The following CHD6 variants were observed in gnomAD, a reference collection of about 807,000 sequenced individuals.
The protein encoded by CHD6 is ATP-dependent chromatin remodeler CHD6.
A neutral mutation model predicts 276.9 loss-of-function variants in CHD6; 50 were observed. The observed-to-expected ratio is 0.18, with a 90% CI of 0.14 to 0.23. The LOEUF (loss-of-function observed/expected upper bound fraction) is 0.23. CHD6 is among the 10% of genes least tolerant of loss of function. The pLI is 1.00. For synonymous variants in CHD6, 1,173 were observed against 1,229.3 expected (o/e 0.95, Z 0.96); for missense variants, 2,564 against 3,365.8 (o/e 0.76, Z 5.89).
In CHD6 at chr20:41,450,376, C is replaced by T. The variant is rs141420178; in HGVS notation, c.3683+570G>A. Among the ~76,000 whole-genome samples, 29 of 152,164 alleles carry T rather than the reference C, an allele frequency of 1.9e-4. No homozygotes were observed. The East Asian group carries it at 5.0e-3, about 26-fold the overall frequency. On this transcript the variant is annotated intron_variant, in intron 23 of 36. Transcript: ENST00000373233. ...GCACAGTGGTGCAAATATCCACATGCAAACTTGCCATTGTTTTGTCGCTGA... is the reference window on the plus strand; with the variant it reads ...GCACAGTGGTGCAAATATCCACATGTAAACTTGCCATTGTTTTGTCGCTGA...
At chr20:41,469,488 A>C (rs918527032) in intron 17 of CHD6, among the ~76,000 whole-genome samples, 11 of 152,222 alleles carry the variant, frequency 7.2e-5, no homozygotes, top group African/African-American at 2.7e-4. Context: ...TAGCAGCAAC[A>C]GTGGCCTACT....
chr20:41,457,365 G>T lies in CHD6; in HGVS notation c.2728C>A (p.Arg910=). 1 of 1,614,110 alleles carries T rather than the reference G, an allele frequency of 6.2e-7. No homozygotes were observed. The highest frequency in any genetic ancestry group is 8.5e-7 in the Non-Finnish European group (1 of 1,179,994). ...KAVKVYRLIT[R]NSYEREMFDK... Reference sequence around the variant, plus strand: ...AACATCTCGCGCTCGTAGGAATTTCGAGTGATGAGGCGATACACCTTCACA... The same window carrying T: ...AACATCTCGCGCTCGTAGGAATTTCTAGTGATGAGGCGATACACCTTCACA... The change falls in exon 18 of 37, where the codon CGA becomes AGA. Residue 910 remains arginine (R), a synonymous_variant. Coordinates refer to ENST00000373233, the MANE Select transcript of CHD6 (RefSeq NM_032221.5).
At chr20:41,458,132 CAT>C (rs764948815) in intron 17 of CHD6, among the ~76,000 whole-genome samples, 13 of 152,258 alleles carry the variant, frequency 8.5e-5, no homozygotes, top group East Asian at 7.7e-4. Context: ...AAGATTTGAG[CAT>C]CTGAATGTAC....
intron 3 of CHD6, among the ~76,000 whole-genome samples, chr20:41,526,066 T>C (rs959361298): frequency 6.6e-6 from 1 of 152,042 alleles, no homozygotes; most frequent in African/African-American, 2.4e-5. Flanking sequence ...TATCAAGCAT[T>C]ATTATTTAGT....
rs769235551 is a variant in CHD6 at position 41,404,841 on chromosome 20, T to G, written c.7900A>C (p.Met2634Leu). 1 of 1,614,114 alleles carries G rather than the reference T, an allele frequency of 6.2e-7. No individual in the cohort carries two copies. Among genetic ancestry groups the G allele is most frequent in the Non-Finnish European group, 8.5e-7 (1 of 1,180,032 alleles). The change falls in exon 37 of 37, where the codon ATG becomes CTG. Residue 2634 changes from methionine (M) to leucine (L), a missense_variant. Transcript: ENST00000373233. ...PSMFLSPGMG[M>L]ALPAMQQARH... ...GCCTGCTGCATGGCTGGCAGAGCCA[T>G]GCCCATACCAGGGGAGAGGAACATG... is the stretch of plus-strand genomic sequence containing the variant.
chr20:41,569,857 C>A (rs1230533682), intron 1 of CHD6, among the ~76,000 whole-genome samples: 2 of 152,012 alleles, frequency 1.3e-5, no homozygotes, highest in African/African-American at 4.8e-5. Context: ...AATTACTATG[C>A]CATTTTAAAT....
chr20:41,532,269 T>C (rs151069130), intron 3 of CHD6, among the ~76,000 whole-genome samples: 1 of 152,300 alleles, frequency 6.6e-6, no homozygotes, highest in African/African-American at 2.4e-5. Flanking sequence ...CACTTGTCAA[T>C]GTGTCAAGCA....
At chr20:41,468,634 A>G (rs1481492900) in intron 17 of CHD6, among the ~76,000 whole-genome samples, 1 of 152,218 alleles carries the variant, frequency 6.6e-6, no homozygotes, top group Non-Finnish European at 1.5e-5. Flanking sequence ...GTATTTGTGT[A>G]TACATTTACA....
chr20:41,437,355 G>A (rs2047743326), intron 26 of CHD6, 21 bp from the exon 27 acceptor site: 11 of 1,590,272 alleles, frequency 6.9e-6, no homozygotes, highest in Non-Finnish European at 9.5e-6. Flanking sequence ...GTAAAAAAAG[G>A]CATCACATAC....
At chr20:41,515,047 T>C in intron 3 of CHD6, 95 bp from the exon 4 acceptor site, 1 of 1,333,146 alleles carries the variant, frequency 7.5e-7, no homozygotes, top group Non-Finnish European at 1.1e-6. Context: ...CCTGGAATTC[T>C]AGGACCAGGG....
Position 41,484,342 on chromosome 20 carries a change from C to T in CHD6, c.2257+10G>A. 6.2e-7 allele frequency: 1 copy of T among 1,613,512 alleles called. No homozygotes were observed. Among genetic ancestry groups the T allele is most frequent in the Non-Finnish European group, 8.5e-7 (1 of 1,179,662 alleles). ...CAGTCCTGAGTTACTTCCTAGTGCC[C>T]CTGACTCACCATTGATCAGGTAGGG... is the stretch of plus-strand genomic sequence containing the variant. On this transcript the variant is annotated intron_variant, in intron 15 of 36. Coordinates refer to ENST00000373233, the MANE Select transcript of CHD6 (RefSeq NM_032221.5).
At chr20:41,439,749 T>C (rs1327942982) in intron 26 of CHD6, among the ~76,000 whole-genome samples, 2 of 152,102 alleles carry the variant, frequency 1.3e-5, no homozygotes, top group Non-Finnish European at 2.9e-5. Context: ...TTTAGAAAGG[T>C]GGGCAGCCTG....
chr20:41,493,723 C>A (rs766828834), intron 9 of CHD6, 51 bp from the exon 10 acceptor site: 2 of 1,604,024 alleles, frequency 1.2e-6, no homozygotes, highest in South Asian at 1.1e-5. Context: ...TTAAAGGAGT[C>A]AGTAGTATCT....
intron 3 of CHD6, among the ~76,000 whole-genome samples, chr20:41,522,651 C>T (rs549530758): frequency 4.6e-4 from 70 of 151,808 alleles, no homozygotes; most frequent in East Asian, 1.2e-3. Flanking sequence ...TGCGCGCACG[C>T]GTGCGCGCAC....
At chr20:41,613,497 CCATGTGAT>C (rs1334829629) in intron 1 of CHD6, among the ~76,000 whole-genome samples, 1 of 152,174 alleles carries the variant, frequency 6.6e-6, no homozygotes, top group Non-Finnish European at 1.5e-5. Context: ...CGAATGGCTT[CCATGTGAT>C]CATGTGATCA....
chr20:41,423,430 A>C, intron 30 of CHD6, 62 bp downstream of exon 30: 1 of 1,502,628 alleles, frequency 6.7e-7, no homozygotes, highest in Non-Finnish European at 9.3e-7. Context: ...GTAATTCTGC[A>C]ATTTGAAAAT....
At position 41,585,950 on chromosome 20, in the gene CHD6, G is replaced by A. The variant is rs534922819; in HGVS notation, c.-24+32390C>T. ...GGGGACTGCACCCACCTTTAAACAC[G>A]GGGCTTATAACTCAGCTCACACCTG... is the stretch of plus-strand genomic sequence containing the variant. On this transcript the variant is annotated intron_variant, in intron 1 of 36. Coordinates refer to ENST00000373233, the MANE Select transcript of CHD6 (RefSeq NM_032221.5). 1.1e-4 allele frequency among the ~76,000 whole-genome samples: 17 copies of A among 152,240 alleles called. 3 individuals carry two copies. The highest frequency in any genetic ancestry group is 3.4e-4 in the African/African-American group (14 of 41,532).
At position 41,456,045 on chromosome 20, in the gene CHD6, T is replaced by C. The variant is rs542360838; in HGVS notation, c.2830-66A>G. ...TATAGGAGAAAAACAGCCTCAAATCTGGTTTTTGTGATTCAGTGCATAGTT... is the reference window on the plus strand; with the variant it reads ...TATAGGAGAAAAACAGCCTCAAATCCGGTTTTTGTGATTCAGTGCATAGTT... On this transcript the variant is annotated intron_variant, in intron 18 of 36. Coordinates refer to ENST00000373233, the MANE Select transcript of CHD6 (RefSeq NM_032221.5). The C allele has an allele frequency of 9.1e-6, 13 of 1,434,898 alleles. No homozygotes were observed. The East Asian group carries it at 2.9e-4, about 32-fold the overall frequency. 88.9% of individuals were successfully genotyped at this position (1,434,898 alleles called of 1,614,324 possible).
intron 20 of CHD6, among the ~76,000 whole-genome samples, chr20:41,453,595 A>G (rs964835944): frequency 4.4e-4 from 67 of 152,032 alleles, no homozygotes; most frequent in African/African-American, 1.6e-3. Context: ...TCCTCCACAC[A>G]GCCCAGATAA....
Sources: gnomAD v4.1 joint callset for allele counts (sites outside exome capture counted in the v4.1 genomes callset) on GRCh38, gnomAD v4.1.1 for gene constraint, MANE v1.5 for transcripts, NCBI Gene and HGNC (gene_info 2026-07-23, HGNC 2026-07-21) for gene names.